TNRC6A: variants seen among roughly 807,000 people sequenced by gnomAD.
TNRC6A encodes the protein trinucleotide repeat-containing gene 6A protein.
A neutral mutation model predicts 221.2 loss-of-function variants in TNRC6A; 44 were observed. That is an observed-to-expected ratio of 0.20 (90% confidence interval 0.16 to 0.26). The LOEUF is 0.26. Ranked by LOEUF, TNRC6A falls within the 10% of genes least tolerant of loss-of-function variation. The pLI is 1.00. For missense variants in TNRC6A, 2,199 were observed against 2,404.4 expected (o/e 0.91, Z 1.79); for synonymous variants, 847 against 838.5 (o/e 1.01, Z -0.18).
intron 2 of TNRC6A, chr16:24,664,769 TCA>T (rs149786252): frequency 0.11 from 32,458 of 298,300 alleles, 372 homozygotes; most frequent in African/African-American, 0.14. Flanking sequence ...AATCCCCAAA[TCA>T]CACACACACA....
At position 24,823,770 on chromosome 16, in the gene TNRC6A, C is replaced by A; in HGVS notation, c.5852C>A (p.Ser1951Tyr). 6.7e-6 allele frequency: 10 copies of A among 1,483,854 alleles called. No homozygotes were observed. Among genetic ancestry groups the A allele is most frequent in the Non-Finnish European group, 9.0e-6 (10 of 1,116,786 alleles). 91.9% of individuals were successfully genotyped at this position (1,483,854 alleles called of 1,614,324 possible). ...SSPSPINAFL[S>Y]VDHLGGGGES... is the part of the protein sequence containing the mutation. ...CCATCTCCCATTAACGCTTTTCTTT[C>A]TGTTGACCACCTGGGTGGGGGTGGA... is the stretch of plus-strand genomic sequence containing the variant. The change falls in exon 25 of 25, where the codon TCT becomes TAT. Residue 1951 changes from serine to tyrosine, a missense_variant. Physicochemically the swap from Ser to Tyr is moderately radical, Grantham distance 144. This residue lies in a region of TNRC6A where 130 missense variants were observed against 121.7 expected (regional missense o/e 1.07). Transcript: ENST00000395799. The surrounding 1 kb of genome is among the most constrained non-coding windows in gnomAD (Gnocchi z 4.3).
chr16:24,748,428 C>T (rs916332443), intron 2 of TNRC6A, among the ~76,000 whole-genome samples: 5 of 152,050 alleles, frequency 3.3e-5, no homozygotes. Flanking sequence ...CTACCTCCTG[C>T]ACACAGAATT....
intron 2 of TNRC6A, among the ~76,000 whole-genome samples, chr16:24,651,042 T>C (rs1353157155): frequency 7.3e-6 from 1 of 136,230 alleles, no homozygotes; most frequent in Non-Finnish European, 1.7e-5. Flanking sequence ...CGATAAATTG[T>C]CTACGCAATT....
chr16:24,790,174 A>G lies in TNRC6A; in HGVS notation c.1532A>G (p.Glu511Gly). ...GTSLSHLSNGESKSGGSYGTT... is the reference protein window; with the variant it reads ...GTSLSHLSNGGSKSGGSYGTT... ...TCCCTTTCTCACCTTAGCAATGGAG[A>G]GTCAAAAAGTGGAGGCTCTTATGGT... Residue 511 changes from glutamate (E) to glycine (G), a missense_variant, in exon 6 of 25, where the codon GAG (glutamate) becomes GGG (glycine). By Grantham distance (98) the Glu-to-Gly change is moderately conservative. This residue lies in a region of TNRC6A where 1,405 missense variants were observed against 1,400.2 expected (regional missense o/e 1.00). Transcript: ENST00000395799. 2 of 1,614,124 alleles carry G rather than the reference A, an allele frequency of 1.2e-6. No individual in the cohort carries two copies. Among genetic ancestry groups the G allele is most frequent in the Non-Finnish European group, 1.7e-6 (2 of 1,180,022 alleles).
At chr16:24,636,495 C>T (rs576279609) in intron 1 of TNRC6A, among the ~76,000 whole-genome samples, 13 of 151,888 alleles carry the variant, frequency 8.6e-5, no homozygotes, top group South Asian at 8.3e-4. Context: ...CTTATGCTCT[C>T]GAGTATTTAG....
chr16:24,787,901 G>A (rs1432789648), intron 5 of TNRC6A, among the ~76,000 whole-genome samples: 1 of 152,154 alleles, frequency 6.6e-6, no homozygotes, highest in Non-Finnish European at 1.5e-5. Flanking sequence ...TGGCTCATTA[G>A]GTCTGGGACA....
chr16:24,793,551 T>C lies in TNRC6A; in HGVS notation c.3254T>C (p.Ile1085Thr), dbSNP rs2058156046. The stretch of plus-strand genomic sequence containing the variant: ...GGTACTTCAGCATGGGGTAAGCCCA[T>C]AGACAGTGGTCCCAGCTGGGGGGAA... ...DNGTSAWGKP[I>T]DSGPSWGEPI... The change falls in exon 7 of 25, where the codon ATA (isoleucine) becomes ACA (threonine). Residue 1085 changes from isoleucine to threonine, a missense_variant. Physicochemically the swap from Ile to Thr is moderately conservative, Grantham distance 89. Coordinates refer to ENST00000395799, the MANE Select transcript of TNRC6A (RefSeq NM_014494.4). 3 of 1,574,002 alleles carry C rather than the reference T, an allele frequency of 1.9e-6. No individual in the cohort carries two copies. Among genetic ancestry groups the C allele is most frequent in the East Asian group, 2.3e-5 (1 of 42,808 alleles).
intron 19 of TNRC6A, chr16:24,815,592 A>T (rs968461240): frequency 2.6e-6 from 1 of 378,926 alleles, no homozygotes; most frequent in Non-Finnish European, 5.0e-6. Flanking sequence ...GCAGTGGCAC[A>T]TGCCAGTAAT....
intron 2 of TNRC6A, among the ~76,000 whole-genome samples, chr16:24,696,462 AGC>A (rs1207006654): frequency 4.0e-5 from 6 of 151,880 alleles, no homozygotes; most frequent in African/African-American, 1.2e-4. Flanking sequence ...CAGGCAAAGC[AGC>A]TTACGCCTGT....
chr16:24,793,407 G>A (rs1351110315), intron 6 of TNRC6A, 66 bp from the exon 7 acceptor site: 2 of 1,247,996 alleles, frequency 1.6e-6, no homozygotes, highest in Non-Finnish European at 2.1e-6. Context: ...TTTCTTTATT[G>A]TCCCTTATTC....
At chr16:24,624,344 C>G (rs553020828) in intron 1 of TNRC6A, among the ~76,000 whole-genome samples, 1 of 152,284 alleles carries the variant, frequency 6.6e-6, no homozygotes, top group Admixed American at 6.5e-5. Context: ...CATTATACAG[C>G]AGAGGGCATG....
intron 1 of TNRC6A, among the ~76,000 whole-genome samples, chr16:24,621,433 A>G (rs1021155786): frequency 3.5e-5 from 5 of 141,094 alleles, no homozygotes; most frequent in African/African-American, 1.3e-4. Context: ...ATCTCGGCTC[A>G]CTGCAAACTC....
In TNRC6A at chr16:24,824,901, G is replaced by T. The variant is rs949873439; in HGVS notation, c.*1094G>T. On this transcript the variant is annotated 3_prime_UTR_variant, in exon 25 of 25. Transcript: ENST00000395799. ...AAAAAAAAAGAAAAAACAAAAAAAC[G>T]CTTAAAGCTGGAGTTTGACATTCTG... 6.6e-6 allele frequency: 1 copy of T among 152,288 alleles called. No individual in the cohort carries two copies. The highest frequency in any genetic ancestry group is 1.5e-5 in the Non-Finnish European group (1 of 67,994). The allele number at this position is 152,288 out of a possible 1,614,324, so 9.4% of individuals were successfully genotyped here. A position where few individuals can be genotyped will look rare whatever the true frequency, so the allele number is the denominator to read the frequency against.
At chr16:24,679,876 T>C (rs2055496727) in intron 2 of TNRC6A, among the ~76,000 whole-genome samples, 1 of 152,104 alleles carries the variant, frequency 6.6e-6, no homozygotes, top group South Asian at 2.1e-4. Context: ...CCCAAAGTGC[T>C]GAGATTACAG....
intron 1 of TNRC6A, among the ~76,000 whole-genome samples, chr16:24,623,357 C>A (rs535350177): frequency 6.6e-6 from 1 of 152,128 alleles, no homozygotes; most frequent in East Asian, 1.9e-4. Context: ...CGCTGCCACG[C>A]CCAGAGAATT....
chr16:24,704,684 A>G (rs1449345457), intron 2 of TNRC6A, among the ~76,000 whole-genome samples: 51 of 119,380 alleles, frequency 4.3e-4, no homozygotes, highest in African/African-American at 1.3e-3. Context: ...AAAAAAAAAA[A>G]AAAAAAAAAA....
intron 4 of TNRC6A, among the ~76,000 whole-genome samples, chr16:24,771,516 C>CCTGTTATGTTATGTT (rs2057590551): frequency 1.1e-5 from 1 of 88,048 alleles, no homozygotes; most frequent in Non-Finnish European, 2.2e-5. Flanking sequence ...GAGCCTGGTG[C>CCTGTTATGTTATGTT]ATGTTATGTT....
intron 4 of TNRC6A, among the ~76,000 whole-genome samples, chr16:24,762,390 T>G (rs1221156013): frequency 6.6e-6 from 1 of 152,216 alleles, no homozygotes; most frequent in East Asian, 1.9e-4. Context: ...TTAGAGCACC[T>G]TCTATGTGCC....
intron 4 of TNRC6A, among the ~76,000 whole-genome samples, chr16:24,759,430 A>G (rs1465753185): frequency 1.3e-5 from 2 of 152,208 alleles, no homozygotes; most frequent in African/African-American, 2.4e-5. Context: ...ACTACTGTAC[A>G]TGGAAAGTAT....
Sources: gnomAD v4.1 joint callset for allele counts (sites outside exome capture counted in the v4.1 genomes callset) on GRCh38, gnomAD v4.1.1 for gene constraint, gnomAD v4.1.1 regional missense constraint, Gnocchi (gnomAD v3.1) non-coding constraint, MANE v1.5 for transcripts, NCBI Gene and HGNC (gene_info 2026-07-23, HGNC 2026-07-21) for gene names.